Variants in MYO10 observed in about 807,000 individuals in gnomAD.
The protein encoded by MYO10 is myosin X, also known as unconventional myosin-X.
MYO10 carries 133 observed loss-of-function variants against 257.3 expected under a neutral mutation model. That is an observed-to-expected ratio of 0.52 (90% CI 0.45 to 0.60). The LOEUF (loss-of-function observed/expected upper bound fraction) is 0.60, where lower values mean the gene tolerates loss of function less well. MYO10 is among the 20% of genes least tolerant of loss of function. MYO10 has a pLI of 0.00. For synonymous variants in MYO10, 1,104 were observed against 1,028.6 expected, an observed-to-expected ratio of 1.07 and a Z score of -1.40; for missense variants, 2,399 against 2,635.7, an observed-to-expected ratio of 0.91 and a Z score of 1.97.
chr5:16,829,809 C>T (rs1172287862), intron 2 of MYO10, among the ~76,000 whole-genome samples: 2 of 152,120 alleles, frequency 1.3e-5, no homozygotes, highest in Non-Finnish European at 2.9e-5. Context: ...GATACCCAGG[C>T]CCTGAGCACT....
chr5:16,681,518 T>A lies in MYO10; in HGVS notation c.4190-15A>T, dbSNP rs368070583. The A allele has an allele frequency of 1.3e-6, 2 of 1,591,956 alleles. No homozygotes were observed. Among genetic ancestry groups the A allele is most frequent in the African/African-American group, 2.7e-5 (2 of 73,882 alleles). On this transcript the variant is annotated splice_polypyrimidine_tract_variant and intron_variant, in intron 31 of 40. Transcript: ENST00000513610. ...GTGCAACCATCCTGGAAAAAAAGAT[T>A]AAAGTGTAAATTAAAATCTGTGAGG...
chr5:16,874,823 A>G (rs1375821388), intron 2 of MYO10, among the ~76,000 whole-genome samples: 1 of 152,316 alleles, frequency 6.6e-6, no homozygotes, highest in Non-Finnish European at 1.5e-5. Flanking sequence ...CTTTCCAGCA[A>G]GTATCCATGC....
At chr5:16,697,072 G>A (rs1024681008) in intron 26 of MYO10, among the ~76,000 whole-genome samples, 3 of 152,126 alleles carry the variant, frequency 2.0e-5, no homozygotes, top group African/African-American at 7.2e-5. Context: ...TTTGTCAGGT[G>A]TTCCAGTGCT....
In MYO10 at chr5:16,769,071, T is replaced by TA; in HGVS notation, c.1060+2dup. 3 of 1,607,884 alleles carry TA rather than the reference T, an allele frequency of 1.9e-6. No individual in the cohort carries two copies. The highest frequency in any genetic ancestry group is 2.5e-6 in the Non-Finnish European group (3 of 1,177,940). ...CGAGGAGGGCAGGCAGGCATAATCT[T>TA]ACCTGTTTTGAAGGAAACCTGTGCC... On this transcript the variant is annotated splice_region_variant and intron_variant, in intron 10 of 40. Coordinates refer to ENST00000513610, the MANE Select transcript of MYO10 (RefSeq NM_012334.3).
chr5:16,903,305 T>C (rs1745437232), intron 1 of MYO10, among the ~76,000 whole-genome samples: 1 of 152,184 alleles, frequency 6.6e-6, no homozygotes. Context: ...CTCGGGAGGC[T>C]GAGGCAGGAG....
At chr5:16,849,057 G>A (rs1323669641) in intron 2 of MYO10, among the ~76,000 whole-genome samples, 1 of 152,162 alleles carries the variant, frequency 6.6e-6, no homozygotes, top group Non-Finnish European at 1.5e-5. Context: ...CCAGGCTCAA[G>A]TGATCCTCGC....
chr5:16,709,135 A>G (rs759867134), intron 21 of MYO10, among the ~76,000 whole-genome samples: 3 of 152,220 alleles, frequency 2.0e-5, no homozygotes, highest in Non-Finnish European at 4.4e-5. Context: ...TAAGAAGAGG[A>G]TGACCTGGGA....
At chr5:16,683,168 T>TGTTGTCA (rs1241789147) in intron 30 of MYO10, among the ~76,000 whole-genome samples, 1 of 152,190 alleles carries the variant, frequency 6.6e-6, no homozygotes, top group Non-Finnish European at 1.5e-5. Context: ...CACTATATTT[T>TGTTGTCA]GTTGTCAATT....
chr5:16,677,086 C>T (rs1385779741), intron 33 of MYO10, among the ~76,000 whole-genome samples: 2 of 152,134 alleles, frequency 1.3e-5, no homozygotes, highest in Admixed American at 6.5e-5. Context: ...ATTTCTTCAT[C>T]ATGTACCTAT....
chr5:16,762,250 G>T, intron 15 of MYO10, 137 bp from the exon 16 acceptor site: 1 of 1,145,454 alleles, frequency 8.7e-7, no homozygotes, highest in Non-Finnish European at 1.2e-6. Context: ...TGCGTTTCAG[G>T]ACACGGCATA....
intron 26 of MYO10, among the ~76,000 whole-genome samples, chr5:16,696,574 G>A (rs1436413941): frequency 6.6e-6 from 1 of 152,030 alleles, no homozygotes; most frequent in Non-Finnish European, 1.5e-5. Flanking sequence ...ATAAATCAAT[G>A]CTGCCGGGCG....
At chr5:16,766,398 G>A (rs989693036) in intron 10 of MYO10, among the ~76,000 whole-genome samples, 200 bp from the exon 11 acceptor site, 8 of 152,166 alleles carry the variant, frequency 5.3e-5, no homozygotes, top group Admixed American at 6.5e-5. Context: ...GTGTGGTCTG[G>A]GAATCCTATG....
chr5:16,855,473 T>G (rs1393526277), intron 2 of MYO10, among the ~76,000 whole-genome samples: 2 of 152,250 alleles, frequency 1.3e-5, no homozygotes, highest in African/African-American at 4.8e-5. Context: ...TAAACTATCT[T>G]CAGATGTTAA....
intron 14 of MYO10, 108 bp downstream of exon 14, chr5:16,763,373 T>C (rs1740775553): frequency 1.2e-6 from 1 of 850,608 alleles, no homozygotes; most frequent in Non-Finnish European, 2.0e-6. Context: ...GTTCTAAACA[T>C]TCACATCGTT....
rs1216395500 is a variant in MYO10, at chr5:16,766,121, G to T, written c.1138C>A (p.Leu380Ile). The T allele has an allele frequency of 2.5e-6, 4 of 1,613,814 alleles. No individual in the cohort carries two copies. Among genetic ancestry groups the T allele is most frequent in the Non-Finnish European group, 3.4e-6 (4 of 1,179,738 alleles). Reference sequence around the variant, plus strand: ...GGCGTGAGGATCTCTTCTCCCCTGAGGAACATTGATCTCTGGGTCAAAGCA... The same window carrying T: ...GGCGTGAGGATCTCTTCTCCCCTGATGAACATTGATCTCTGGGTCAAAGCA... ...TDALTQRSMF[L>I]RGEEILTPLN... The change falls in exon 11 of 41, where the codon CTC (leucine) becomes ATC (isoleucine). Residue 380 changes from leucine to isoleucine, a missense_variant. Leu to Ile is a conservative substitution (Grantham distance 5, BLOSUM62 2). Around this residue, in one of 3 missense-constraint regions of MYO10, gnomAD observed 337 missense variants for 446.8 expected, o/e 0.75. Transcript: ENST00000513610.
rs549645899 is a variant in MYO10 at position 16,903,141 on chromosome 5, C to T, written c.22-25434G>A. 3.3e-5 allele frequency among the ~76,000 whole-genome samples: 5 copies of T among 152,378 alleles called. No homozygotes were observed. The South Asian group carries it at 1.0e-3, about 32-fold the overall frequency. ...TAACACTCCCTACCAGGCGCGATGG[C>T]TCACGCCTGTAATCCCAGCACTTGG... On this transcript the variant is annotated intron_variant, in intron 1 of 40. Transcript: ENST00000513610.
chr5:16,780,896 A>G (rs2080272464), intron 6 of MYO10, among the ~76,000 whole-genome samples, 155 bp from the exon 7 acceptor site: 1 of 152,170 alleles, frequency 6.6e-6, no homozygotes, highest in African/African-American at 2.4e-5. Context: ...AAGCAAACAA[A>G]GTATAGACTA....
chr5:16,839,428 T>A (rs1373830169), intron 2 of MYO10, among the ~76,000 whole-genome samples: 1 of 152,090 alleles, frequency 6.6e-6, no homozygotes, highest in Non-Finnish European at 1.5e-5. Context: ...TGGAACTGAT[T>A]TGCTGCAATC....
In MYO10 at chr5:16,674,836, G is replaced by A. The variant is rs148583351; in HGVS notation, c.4964+17C>T. On this transcript the variant is annotated intron_variant, in intron 35 of 40. Transcript: ENST00000513610. ...AGCAGCTCTGCCCAGCTCATCTCCC[G>A]TGCCCCCATGCTTTACCTTTTCAGA... The A allele has an allele frequency of 4.1e-3, 6,612 of 1,613,094 alleles. 15 individuals carry two copies. Among genetic ancestry groups the A allele is most frequent in the Non-Finnish European group, 4.9e-3 (5,795 of 1,179,586 alleles).
Sources: allele counts gnomAD v4.1 joint callset (sites outside exome capture counted in the v4.1 genomes callset), GRCh38; gene constraint gnomAD v4.1.1; regional missense constraint gnomAD v4.1.1; transcripts MANE v1.5; gene names NCBI Gene and HGNC (gene_info 2026-07-23, HGNC 2026-07-21).